Variants in TSPAN9 observed in about 807,000 individuals in gnomAD.
TSPAN9 encodes the protein tetraspanin 9, also known as tetraspanin-9.
TSPAN9 carries 16 observed loss-of-function variants against 31.0 expected under a neutral mutation model. The ratio of observed to expected loss-of-function variants is 0.52; its 90% CI spans 0.35 to 0.78. The LOEUF is 0.78. TSPAN9 is among the 30% of genes least tolerant of loss of function. The probability of loss-of-function intolerance (pLI) is 0.01; values close to 1 mark genes in which losing one functional copy is unlikely to be tolerated. For missense variants in TSPAN9, 272 were observed against 312.5 expected (o/e 0.87, Z 0.98); for synonymous variants, 145 against 121.6 (o/e 1.19, Z -1.27).
intron 3 of TSPAN9, among the ~76,000 whole-genome samples, chr12:3,263,917 C>CATGA (rs1172385619): frequency 6.6e-6 from 1 of 152,046 alleles, no homozygotes; most frequent in Non-Finnish European, 1.5e-5. Flanking sequence ...AGGGACATGC[C>CATGA]GTGAGCGGGT....
At chr12:3,218,608 G>C (rs1459563276) in intron 3 of TSPAN9, among the ~76,000 whole-genome samples, 5 of 152,162 alleles carry the variant, frequency 3.3e-5, no homozygotes. Context: ...GATAAAAGTA[G>C]GACCTGGGAA....
intron 3 of TSPAN9, among the ~76,000 whole-genome samples, chr12:3,227,917 T>C (rs541454971): frequency 2.6e-5 from 4 of 152,326 alleles, no homozygotes; most frequent in African/African-American, 9.6e-5. Flanking sequence ...CATGGGGTGC[T>C]TTCTGGCTCA....
chr12:3,082,600 GAGGGGACGTCATGGT>G (rs2098298458), intron 1 of TSPAN9, among the ~76,000 whole-genome samples: 2 of 152,184 alleles, frequency 1.3e-5, no homozygotes, highest in African/African-American at 4.8e-5. Flanking sequence ...GGTCTGTGAA[GAGGGGACGTCATGGT>G]AGGGAGAGTG....
Position 3,201,245 on chromosome 12 carries a change from T to A in TSPAN9, c.52T>A (p.Leu18Met), listed in dbSNP as rs200001388. 5.8e-5 allele frequency: 94 copies of A among 1,614,088 alleles called. No homozygotes were observed. In the East Asian group the frequency reaches 2.0e-3, roughly 35 times the overall value. The change falls in exon 3 of 9, where the codon TTG (leucine) becomes ATG (methionine). Residue 18 changes from leucine (L) to methionine (M), a missense_variant. Physicochemically the swap from Leu to Met is conservative, Grantham distance 15. Coordinates refer to ENST00000011898, the MANE Select transcript of TSPAN9 (RefSeq NM_006675.5). Reference protein sequence around the residue: ...CLKYMMFLFNLIFWLCGCGLL... With the variant: ...CLKYMMFLFNMIFWLCGCGLL... ...GAAGTACATGATGTTCCTCTTCAAT[T>A]TGATATTCTGGGTAAGTCCTTCCGT...
chr12:3,184,441 AAGAGAG>A (rs1304602558), intron 2 of TSPAN9, among the ~76,000 whole-genome samples: 1 of 151,952 alleles, frequency 6.6e-6, no homozygotes, highest in Non-Finnish European at 1.5e-5. Context: ...GAGAGAAAGA[AAGAGAG>A]AAAGAGAAAG....
At position 3,236,890 on chromosome 12, in the gene TSPAN9, G is replaced by C. The variant is rs140860334; in HGVS notation, c.63+35634G>C. Among the ~76,000 whole-genome samples, 157 of 152,308 alleles carry C rather than the reference G, an allele frequency of 1.0e-3. 1 individual carries two copies. The highest frequency in any genetic ancestry group is 1.9e-3 in the Non-Finnish European group (126 of 68,024). On this transcript the variant is annotated intron_variant, in intron 3 of 8. Transcript: ENST00000011898. The stretch of plus-strand genomic sequence containing the variant: ...TCACTGGGCACCCTCTGGGTTCCTA[G>C]TACTGTAGGGCACATTTGAGCAATG...
intron 3 of TSPAN9, among the ~76,000 whole-genome samples, chr12:3,238,110 C>T (rs908654539): frequency 2.6e-5 from 4 of 152,188 alleles, no homozygotes; most frequent in African/African-American, 9.7e-5. Flanking sequence ...TTTTCCCATG[C>T]TGTTTACAAA....
chr12:3,237,905 A>G (rs1224789380), intron 3 of TSPAN9, among the ~76,000 whole-genome samples: 1 of 152,092 alleles, frequency 6.6e-6, no homozygotes, highest in African/African-American at 2.4e-5. Context: ...AACCTTCTTA[A>G]TCATGTTTAT....
chr12:3,174,677 G>C (rs2098354056), intron 2 of TSPAN9, among the ~76,000 whole-genome samples: 1 of 151,972 alleles, frequency 6.6e-6, no homozygotes, highest in East Asian at 1.9e-4. Flanking sequence ...CCGCCTCCCG[G>C]GTTCGCGCCA....
rs57732522 is a variant in TSPAN9 at position 3,199,511 on chromosome 12, T to C, written c.-17-1666T>C. Among the ~76,000 whole-genome samples, 15 of 152,334 alleles carry C rather than the reference T, an allele frequency of 9.8e-5. No individual in the cohort carries two copies. In the East Asian group the frequency reaches 2.5e-3, roughly 26 times the overall value. ...CAAGCCCCGAGCAAAAGCTCGTTTC[T>C]CTGACCTCACGGGAGAGCACCCAGA... On this transcript the variant is annotated intron_variant, in intron 2 of 8. Coordinates refer to ENST00000011898, the MANE Select transcript of TSPAN9 (RefSeq NM_006675.5).
intron 2 of TSPAN9, among the ~76,000 whole-genome samples, chr12:3,118,113 C>T (rs986220804): frequency 7.2e-5 from 11 of 151,944 alleles, no homozygotes; most frequent in African/African-American, 2.7e-4. Context: ...GGCTCTAGTT[C>T]ACAAGGTTAT....
rs79708197 is a variant in TSPAN9 at position 3,113,689 on chromosome 12, C to T, written c.-18+29970C>T. Among the ~76,000 whole-genome samples the T allele has an allele frequency of 4.6e-3, 699 of 152,240 alleles. 5 individuals carry two copies. The highest frequency in any genetic ancestry group is 0.039 in the South Asian group (188 of 4,812). On this transcript the variant is annotated intron_variant, in intron 2 of 8. Transcript: ENST00000011898. ...GACACAGACCTGGAGCTGTGAACCCCGGGAGACCCTCAGGGGTGTGCCAGT... is the reference window on the plus strand; with the variant it reads ...GACACAGACCTGGAGCTGTGAACCCTGGGAGACCCTCAGGGGTGTGCCAGT...
intron 3 of TSPAN9, among the ~76,000 whole-genome samples, chr12:3,246,508 G>A (rs554530277): frequency 4.6e-5 from 7 of 152,230 alleles, no homozygotes; most frequent in Non-Finnish European, 1.0e-4. Flanking sequence ...CTTTCCCTGG[G>A]CAGGGAAAGA....
chr12:3,226,742 GTGTATATATATATA>G (rs1565622432), intron 3 of TSPAN9, among the ~76,000 whole-genome samples: 55 of 3,302 alleles, frequency 0.017, 2 homozygotes, highest in South Asian at 0.025. Flanking sequence ...GTGTGTGTGT[GTGTATATATATATA>G]TATATATATA....
chr12:3,282,945 G>C, intron 8 of TSPAN9, 100 bp from the exon 9 acceptor site: 1 of 1,209,984 alleles, frequency 8.3e-7, no homozygotes, highest in African/African-American at 1.5e-5. Context: ...GGCCATCCCC[G>C]CTTGCTCTAG....
At chr12:3,220,508 A>G (rs1383266322) in intron 3 of TSPAN9, among the ~76,000 whole-genome samples, 4 of 152,158 alleles carry the variant, frequency 2.6e-5, no homozygotes, top group Non-Finnish European at 5.9e-5. Flanking sequence ...ATTGGCCGAG[A>G]TGCTTCTTTG....
At chr12:3,181,697 C>T (rs2098358661) in intron 2 of TSPAN9, among the ~76,000 whole-genome samples, 1 of 152,184 alleles carries the variant, frequency 6.6e-6, no homozygotes, top group Non-Finnish European at 1.5e-5. Flanking sequence ...CACATTGTCC[C>T]TAGGAGATAG....
chr12:3,210,614 C>T lies in TSPAN9; in HGVS notation c.63+9358C>T, dbSNP rs79667090. On this transcript the variant is annotated intron_variant, in intron 3 of 8. Transcript: ENST00000011898. ...TTCCAGTTTATAGTTTGTCTTTTCA[C>T]TTTCTTCATGGGGTCTCTTGGTAAA... Among the ~76,000 whole-genome samples, 25 of 152,166 alleles carry T rather than the reference C, an allele frequency of 1.6e-4. No individual in the cohort carries two copies. The East Asian group carries it at 4.4e-3, about 27-fold the overall frequency.
chr12:3,233,867 A>G (rs933752120), intron 3 of TSPAN9, among the ~76,000 whole-genome samples: 2 of 152,226 alleles, frequency 1.3e-5, no homozygotes, highest in Non-Finnish European at 2.9e-5. Flanking sequence ...TGTGGGCTAT[A>G]GAGGTGTGTC....
Sources: allele counts gnomAD v4.1 joint callset (sites outside exome capture counted in the v4.1 genomes callset), GRCh38; gene constraint gnomAD v4.1.1; transcripts MANE v1.5; gene names NCBI Gene and HGNC (gene_info 2026-07-23, HGNC 2026-07-21).